ARHGEF12: variants seen among roughly 807,000 people sequenced by gnomAD.
ARHGEF12 encodes KMT2A/ARHGEF12 fusion protein.
Under a neutral mutation model 211.2 loss-of-function variants are expected in ARHGEF12, and 66 were observed. That is an observed-to-expected ratio of 0.31 (90% CI 0.26 to 0.38). ARHGEF12 has a LOEUF of 0.38. ARHGEF12 is among the 10% of genes least tolerant of loss of function. ARHGEF12 has a pLI of 1.00. For missense variants in ARHGEF12, 1,429 were observed against 1,869.5 expected (o/e 0.76, Z 4.34); for synonymous variants, 592 against 638.4 (o/e 0.93, Z 1.09).
chr11:120,354,502 A>AT (rs1286046078), intron 1 of ARHGEF12, among the ~76,000 whole-genome samples: 2 of 152,188 alleles, frequency 1.3e-5, no homozygotes, highest in East Asian at 3.8e-4. Flanking sequence ...TTTGTAAATG[A>AT]TTTTTTGTCT....
Position 120,486,276 on chromosome 11 carries a change from G to A in ARHGEF12, c.*1199G>A, listed in dbSNP as rs997913615. The A allele has an allele frequency of 8.6e-6, 2 of 233,262 alleles. No individual in the cohort carries two copies. Among genetic ancestry groups the A allele is most frequent in the Admixed American group, 1.1e-4 (2 of 17,762 alleles). 14.4% of individuals were successfully genotyped at this position (233,262 alleles called of 1,614,324 possible). ...CCCTGAGTCAAAAGGATAGCCAAGG[G>A]TGGAGTGGAAAAAGATATGGTGAAG... On this transcript the variant is annotated 3_prime_UTR_variant, in exon 41 of 41. Transcript: ENST00000397843.
At chr11:120,362,460 T>C (rs1943304193) in intron 1 of ARHGEF12, among the ~76,000 whole-genome samples, 1 of 152,186 alleles carries the variant, frequency 6.6e-6, no homozygotes, top group Non-Finnish European at 1.5e-5. Context: ...TCCAGTTGAA[T>C]TGTATAATCT....
Position 120,449,105 on chromosome 11 carries a change from C to G in ARHGEF12, c.1738-4C>G. On this transcript the variant is annotated splice_polypyrimidine_tract_variant and splice_region_variant and intron_variant, in intron 20 of 40. Transcript: ENST00000397843. ...ATCTCTTATTTTTTGTACTTCAACT[C>G]TAGCAAAGTATGAAGAAAGATAAAG... 1 of 1,612,560 alleles carries G rather than the reference C, an allele frequency of 6.2e-7. No homozygotes were observed. The highest frequency in any genetic ancestry group is 1.1e-5 in the South Asian group (1 of 90,910).
At chr11:120,421,429 GTTTTTTTTTTTTGTTT>G (rs1222329063) in intron 5 of ARHGEF12, among the ~76,000 whole-genome samples, 3 of 79,858 alleles carry the variant, frequency 3.8e-5, no homozygotes, top group Non-Finnish European at 7.2e-5. Context: ...TTACAGCCTT[GTTTTTTTTTTTTGTTT>G]TTTTTTTTTT....
intron 12 of ARHGEF12, among the ~76,000 whole-genome samples, chr11:120,438,094 G>A (rs1945749443): frequency 6.6e-6 from 1 of 152,068 alleles, no homozygotes. Context: ...ATTCTTAATT[G>A]CATGCTTTTA....
intron 1 of ARHGEF12, among the ~76,000 whole-genome samples, chr11:120,393,608 A>T (rs1055771008): frequency 1.3e-5 from 2 of 152,230 alleles, no homozygotes; most frequent in East Asian, 1.9e-4. Flanking sequence ...AAAAGGGTCA[A>T]TTTAAAAAGA....
chr11:120,448,298 C>T lies in ARHGEF12; in HGVS notation c.1687C>T (p.Arg563Ter). The T allele has an allele frequency of 6.2e-7, 1 of 1,614,048 alleles. No homozygotes were observed. The highest frequency in any genetic ancestry group is 8.5e-7 in the Non-Finnish European group (1 of 1,180,002). Residue 563 changes from arginine to a stop codon, truncating the protein, a stop_gained, in exon 20 of 41, where the codon CGA (arginine) becomes TGA (stop). Transcript: ENST00000397843. LOFTEE classifies it high-confidence loss of function. ...TTTGGGAGTAAAAGTGAAAGAGCCT[C>T]GAAATTTGGAGCACAAACGGGGTCG... ...KHLGVKVKEP[R>*]NLEHKRGRIG...
In ARHGEF12 at chr11:120,336,452, G is replaced by C. The variant is rs1284960598; in HGVS notation, c.-792G>C. Among the ~76,000 whole-genome samples the C allele has an allele frequency of 6.6e-6, 1 of 151,556 alleles. No homozygotes were observed. The highest frequency in any genetic ancestry group is 2.4e-5 in the African/African-American group (1 of 41,338). ...CGGCCCTGCGCCGGGAGACGCCGCC[G>C]CCTCCGCCTCCCGGACCAGGGCTTC... On this transcript the variant is annotated 5_prime_UTR_variant, in exon 1 of 41. Transcript: ENST00000397843.
chr11:120,424,396 G>A lies in ARHGEF12; in HGVS notation c.387G>A (p.Glu129=). 1.2e-6 allele frequency: 2 copies of A among 1,613,470 alleles called. No homozygotes were observed. Among genetic ancestry groups the A allele is most frequent in the South Asian group, 2.2e-5 (2 of 90,976 alleles). The change falls in exon 7 of 41, where the codon GAG becomes GAA. Residue 129 remains glutamate, a synonymous_variant. Transcript: ENST00000397843. ...GTLVTHSNHL[E]VVKLIKSGSY... is the part of the protein sequence containing the mutation. ...TGGTGACTCATTCAAATCATCTGGA[G>A]GTGGTGAAGCTAATCAAATGTAGGT...
chr11:120,445,170 A>G (rs1946006459), intron 15 of ARHGEF12, among the ~76,000 whole-genome samples: 1 of 152,216 alleles, frequency 6.6e-6, no homozygotes, highest in South Asian at 2.1e-4. Context: ...GTGTCACAGA[A>G]GCATTCAGTC....
chr11:120,441,384 A>G (rs1945862549), intron 13 of ARHGEF12, among the ~76,000 whole-genome samples: 1 of 152,140 alleles, frequency 6.6e-6, no homozygotes, highest in Non-Finnish European at 1.5e-5. Flanking sequence ...ATTGGGCAAA[A>G]AGCCTTCCAC....
intron 1 of ARHGEF12, among the ~76,000 whole-genome samples, chr11:120,383,036 G>T (rs1335423269): frequency 2.6e-5 from 4 of 152,198 alleles, no homozygotes; most frequent in Non-Finnish European, 4.4e-5. Flanking sequence ...CTGCTTGGGA[G>T]GCTGAGGCAG....
intron 4 of ARHGEF12, among the ~76,000 whole-genome samples, chr11:120,417,505 A>ATTT (rs34950022): frequency 1.1e-4 from 15 of 130,974 alleles, no homozygotes; most frequent in East Asian, 2.2e-4. Context: ...TAGTCTAATA[A>ATTT]TTTTTTTTTT....
intron 21 of ARHGEF12, 60 bp downstream of exon 21, chr11:120,449,274 C>CTT: frequency 7.7e-7 from 1 of 1,291,948 alleles, no homozygotes; most frequent in Non-Finnish European, 1.1e-6. Flanking sequence ...ACATCAGAGG[C>CTT]TTCTTCAGCT....
intron 1 of ARHGEF12, among the ~76,000 whole-genome samples, chr11:120,377,929 A>G (rs186257936): frequency 1.1e-3 from 162 of 152,114 alleles, no homozygotes; most frequent in African/African-American, 3.8e-3. Flanking sequence ...CTTTTAAAAA[A>G]TTCTTTTATT....
At position 120,394,769 on chromosome 11, in the gene ARHGEF12, T is replaced by C. The variant is rs149266953; in HGVS notation, c.33-11349T>C. Among the ~76,000 whole-genome samples the C allele has an allele frequency of 1.8e-4, 27 of 150,308 alleles. No homozygotes were observed. The East Asian group carries it at 3.9e-3, about 22-fold the overall frequency. On this transcript the variant is annotated intron_variant, in intron 1 of 40. Coordinates refer to ENST00000397843, the MANE Select transcript of ARHGEF12 (RefSeq NM_015313.3). ...AGATTCTTCAGATATTAAAAAAAAA[T>C]AGGGGAGGCTGGGTGCTGTGGCTCA...
chr11:120,435,512 CTTTTT>C (rs61516865), intron 11 of ARHGEF12, among the ~76,000 whole-genome samples: 1 of 106,272 alleles, frequency 9.4e-6, no homozygotes. Flanking sequence ...CCCTGTCAAG[CTTTTT>C]TTTTTTTTTT....
At chr11:120,457,627 C>T in intron 23 of ARHGEF12, 94 bp from the exon 24 acceptor site, 1 of 842,820 alleles carries the variant, frequency 1.2e-6, no homozygotes, top group Non-Finnish European at 1.8e-6. Context: ...ATTTATCAAG[C>T]TGCTGGAGTT....
intron 1 of ARHGEF12, among the ~76,000 whole-genome samples, chr11:120,393,054 G>T (rs1944271073): frequency 6.6e-6 from 1 of 152,156 alleles, no homozygotes; most frequent in South Asian, 2.1e-4. Context: ...TATATCCTCT[G>T]TAGTTCTCAA....
Sources: gnomAD v4.1 joint callset for allele counts (sites outside exome capture counted in the v4.1 genomes callset) on GRCh38, gnomAD v4.1.1 for gene constraint, MANE v1.5 for transcripts, NCBI Gene and HGNC (gene_info 2026-07-23, HGNC 2026-07-21) for gene names.